Variants in MLLT3 observed in about 807,000 individuals in gnomAD.
The protein encoded by MLLT3 is MLLT3 super elongation complex subunit, also known as protein AF-9.
Under a neutral mutation model 53.2 loss-of-function variants are expected in MLLT3, and 4 were observed. The ratio of observed to expected loss-of-function variants is 0.08; its 90% CI spans 0.04 to 0.17. The LOEUF is 0.17. MLLT3 is among the 10% of genes least tolerant of loss of function. MLLT3 has a pLI of 1.00. For synonymous variants in MLLT3, 283 were observed against 230.6 expected (o/e 1.23, Z -2.06); for missense variants, 569 against 684.0 (o/e 0.83, Z 1.87).
chr9:20,449,411 C>T (rs1475092119), intron 3 of MLLT3, among the ~76,000 whole-genome samples: 3 of 152,178 alleles, frequency 2.0e-5, no homozygotes, highest in Non-Finnish European at 4.4e-5. Flanking sequence ...GTTCAACTCT[C>T]AAGCTGTTAC....
intron 4 of MLLT3, among the ~76,000 whole-genome samples, chr9:20,444,754 C>T (rs1823649680): frequency 6.6e-6 from 1 of 152,152 alleles, no homozygotes; most frequent in South Asian, 2.1e-4. Context: ...TGCCTGTAGT[C>T]CCAGCTACTC....
chr9:20,555,099 G>C (rs891092554), intron 2 of MLLT3, among the ~76,000 whole-genome samples: 5 of 152,140 alleles, frequency 3.3e-5, no homozygotes, highest in Non-Finnish European at 5.9e-5. Context: ...TAAAGCATAT[G>C]GTGGTGGCCA....
At chr9:20,577,050 A>T (rs563041128) in intron 2 of MLLT3, among the ~76,000 whole-genome samples, 1 of 152,312 alleles carries the variant, frequency 6.6e-6, no homozygotes, top group East Asian at 1.9e-4. Context: ...AACCAGGAGT[A>T]ATCCTGCAAC....
At chr9:20,457,236 A>G (rs1259988824) in intron 2 of MLLT3, among the ~76,000 whole-genome samples, 1 of 123,266 alleles carries the variant, frequency 8.1e-6, no homozygotes, top group African/African-American at 3.2e-5. Flanking sequence ...TGACAAGGAC[A>G]TCTTTTTTTT....
Position 20,414,162 on chromosome 9 carries a change from A to T in MLLT3, c.684T>A (p.Ser228=), listed in dbSNP as rs1822803107. 1 of 1,614,026 alleles carries T rather than the reference A, an allele frequency of 6.2e-7. No homozygotes were observed. Among genetic ancestry groups the T allele is most frequent in the Admixed American group, 1.7e-5 (1 of 60,002 alleles). ...FKEPSRDHNK[S]SKESSKKPKE... ...TGGGTTTCTTAGAGGATTCTTTGGA[A>T]GATTTGTTGTGATCCCTGGAAGGTT... The change falls in exon 5 of 11, where the codon TCT becomes TCA. Residue 228 remains serine, a synonymous_variant. Coordinates refer to ENST00000380338, the MANE Select transcript of MLLT3 (RefSeq NM_004529.4).
chr9:20,528,067 A>T (rs994907029), intron 2 of MLLT3, among the ~76,000 whole-genome samples: 2 of 152,264 alleles, frequency 1.3e-5, no homozygotes, highest in Admixed American at 6.5e-5. Flanking sequence ...TCAACAAAAT[A>T]GTTCCAGCAT....
chr9:20,554,913 G>C (rs544606117), intron 2 of MLLT3, among the ~76,000 whole-genome samples: 1 of 152,306 alleles, frequency 6.6e-6, no homozygotes, highest in South Asian at 2.1e-4. Flanking sequence ...TACTCAAACG[G>C]AAGTGGCTAA....
At chr9:20,360,485 G>A (rs1423437039) in intron 8 of MLLT3, among the ~76,000 whole-genome samples, 1 of 152,064 alleles carries the variant, frequency 6.6e-6, no homozygotes, top group African/African-American at 2.4e-5. Context: ...ATGGTAAATG[G>A]GCAATACTTT....
At chr9:20,598,095 G>T (rs1820323224) in intron 2 of MLLT3, among the ~76,000 whole-genome samples, 1 of 152,146 alleles carries the variant, frequency 6.6e-6, no homozygotes, top group Admixed American at 6.5e-5. Flanking sequence ...ATTCATAACA[G>T]CTTGAGCTAA....
intron 2 of MLLT3, among the ~76,000 whole-genome samples, chr9:20,585,471 G>A (rs12005470): frequency 0.03 from 4,579 of 152,254 alleles, 173 homozygotes; most frequent in East Asian, 0.14. Context: ...CAGTAATAGT[G>A]TGTTTAGTTT....
At chr9:20,376,025 T>C (rs541703514) in intron 5 of MLLT3, among the ~76,000 whole-genome samples, 185 of 152,298 alleles carry the variant, frequency 1.2e-3, no homozygotes, top group African/African-American at 4.2e-3. Flanking sequence ...AAATCATATA[T>C]TTTATTTACC....
At chr9:20,402,059 G>T (rs374712975) in intron 5 of MLLT3, among the ~76,000 whole-genome samples, 1 of 152,160 alleles carries the variant, frequency 6.6e-6, no homozygotes, top group African/African-American at 2.4e-5. Context: ...ACTGAGAATG[G>T]CTAACTTAAT....
rs1039647361 is a variant in MLLT3 at position 20,570,769 on chromosome 9, A to G, written c.193+49885T>C. On this transcript the variant is annotated intron_variant, in intron 2 of 10. Coordinates refer to ENST00000380338, the MANE Select transcript of MLLT3 (RefSeq NM_004529.4). ...ACCGATTGTTCTTCTTTAAAAAGCA[A>G]CCCAATAAAATAAGAAACCTATAGG... 2.8e-5 allele frequency among the ~76,000 whole-genome samples: 4 copies of G among 144,790 alleles called. No individual in the cohort carries two copies. The East Asian group carries it at 5.8e-4, about 21-fold the overall frequency. The allele number at this position is 144,790 out of a possible 152,430, so 95.0% of individuals were successfully genotyped here.
chr9:20,421,703 T>A (rs949419955), intron 4 of MLLT3, among the ~76,000 whole-genome samples: 1 of 152,170 alleles, frequency 6.6e-6, no homozygotes, highest in Non-Finnish European at 1.5e-5. Flanking sequence ...GAAGTGAAAT[T>A]TCTTGCATGT....
At chr9:20,565,439 AGTGGACC>A (rs1819328272) in intron 2 of MLLT3, among the ~76,000 whole-genome samples, 1 of 152,122 alleles carries the variant, frequency 6.6e-6, no homozygotes, top group Non-Finnish European at 1.5e-5. Flanking sequence ...AGAGTAGCCC[AGTGGACC>A]CAAGGACCTA....
chr9:20,539,712 C>T (rs1049494360), intron 2 of MLLT3, among the ~76,000 whole-genome samples: 7 of 152,128 alleles, frequency 4.6e-5, no homozygotes, highest in Non-Finnish European at 8.8e-5. Flanking sequence ...CATAGCCAAA[C>T]CATATCATTC....
chr9:20,414,123 T>C lies in MLLT3; in HGVS notation c.723A>G (p.Pro241=), dbSNP rs1161086448. 3 of 1,613,768 alleles carry C rather than the reference T, an allele frequency of 1.9e-6. No individual in the cohort carries two copies. Among genetic ancestry groups the C allele is most frequent in the Middle Eastern group, 1.7e-4 (1 of 6,058 alleles). Residue 241 remains proline, a synonymous_variant, in exon 5 of 11, where the codon CCA becomes CCG. Transcript: ENST00000380338. ...ESSKKPKENK[P]LKEEKIVPKM... ...TAGGAACTATTTTCTCTTCTTTCAGTGGTTTATTTTCTTTGGGTTTCTTAG... is the reference window on the plus strand; with the variant it reads ...TAGGAACTATTTTCTCTTCTTTCAGCGGTTTATTTTCTTTGGGTTTCTTAG...
rs959888376 is a variant in MLLT3 at position 20,353,663 on chromosome 9, T to G, written c.1504-67A>C. 3.0e-6 allele frequency: 4 copies of G among 1,325,024 alleles called. No homozygotes were observed. The East Asian group carries it at 9.2e-5, about 30-fold the overall frequency. 82.1% of individuals were successfully genotyped at this position (1,325,024 alleles called of 1,614,324 possible). A position where few individuals can be genotyped will look rare whatever the true frequency, so the allele number is the denominator to read the frequency against. On this transcript the variant is annotated intron_variant, in intron 9 of 10. Coordinates refer to ENST00000380338, the MANE Select transcript of MLLT3 (RefSeq NM_004529.4). The stretch of plus-strand genomic sequence containing the variant: ...GTAGTAGTTCAAAAATAAATGAATA[T>G]GTAAGTAAGAACACACAGGCAGCAG...
chr9:20,597,068 T>C (rs1820291639), intron 2 of MLLT3, among the ~76,000 whole-genome samples: 1 of 152,184 alleles, frequency 6.6e-6, no homozygotes, highest in Admixed American at 6.6e-5. Flanking sequence ...TAAAATTGTT[T>C]CCTTAATTTC....
Sources: gnomAD v4.1 joint callset for allele counts (sites outside exome capture counted in the v4.1 genomes callset) on GRCh38, gnomAD v4.1.1 for gene constraint, MANE v1.5 for transcripts, NCBI Gene and HGNC (gene_info 2026-07-23, HGNC 2026-07-21) for gene names.